The following ANK2 variants were observed in gnomAD, a reference collection of about 807,000 sequenced individuals.
The protein encoded by ANK2 is ankyrin 2.
A neutral mutation model predicts 360.5 loss-of-function variants in ANK2; 83 were observed. That is an observed-to-expected ratio of 0.23 (90% CI 0.19 to 0.28). The LOEUF is 0.28. ANK2 is among the 10% of genes least tolerant of loss of function. The probability of loss-of-function intolerance (pLI) is 1.00; values close to 1 mark genes in which losing one functional copy is unlikely to be tolerated. For missense variants in ANK2, 4,201 were observed against 4,795.7 expected, an observed-to-expected ratio of 0.88 and a Z score of 3.66; for synonymous variants, 1,740 against 1,759.5, an observed-to-expected ratio of 0.99 and a Z score of 0.28.
At chr4:112,803,368 T>A in the ANK2 span, among the ~76,000 whole-genome samples, 1 of 152,250 alleles carries the variant, frequency 6.6e-6, no homozygotes, top group East Asian at 1.9e-4. Context: ...GATAGGCAAG[T>A]GCCTTTATAG....
At chr4:113,237,448 T>C (rs1034805039) in intron 6 of ANK2, 151 bp from the exon 7 acceptor site, 3 of 836,428 alleles carry the variant, frequency 3.6e-6, no homozygotes, top group Admixed American at 3.7e-5. Flanking sequence ...GATAAAATTG[T>C]ATTGTGTGGT....
intron 31 of ANK2, among the ~76,000 whole-genome samples, chr4:113,338,857 A>G (rs2093922182): frequency 6.6e-6 from 1 of 151,988 alleles, no homozygotes; most frequent in African/African-American, 2.4e-5. Context: ...CCGATTGTTC[A>G]CTGTTTTAAC....
chr4:113,112,689 A>G (rs2094422302), intron 1 of ANK2, among the ~76,000 whole-genome samples: 1 of 152,060 alleles, frequency 6.6e-6, no homozygotes. Context: ...GGCCATTGTT[A>G]CTAGCTAGAA....
At chr4:113,122,782 T>C (rs2154372635) in intron 1 of ANK2, among the ~76,000 whole-genome samples, 1 of 152,210 alleles carries the variant, frequency 6.6e-6, no homozygotes, top group East Asian at 1.9e-4. Flanking sequence ...TTTTTCTTTA[T>C]CACTCCTCTG....
At chr4:113,178,069 C>T (rs965039728) in intron 2 of ANK2, among the ~76,000 whole-genome samples, 1 of 152,024 alleles carries the variant, frequency 6.6e-6, no homozygotes, top group African/African-American at 2.4e-5. Flanking sequence ...CTCTTCAATT[C>T]CCTGACTCGC....
chr4:113,089,381 C>A (rs1468593267), intron 1 of ANK2, among the ~76,000 whole-genome samples: 1 of 152,172 alleles, frequency 6.6e-6, no homozygotes, highest in Admixed American at 6.5e-5. Flanking sequence ...TTTTGTTCTG[C>A]TTTACCATTG....
intron 2 of ANK2, among the ~76,000 whole-genome samples, chr4:113,190,388 G>A (rs1177026330): frequency 6.6e-6 from 1 of 152,100 alleles, no homozygotes; most frequent in Non-Finnish European, 1.5e-5. Flanking sequence ...CGGATTATAA[G>A]CGTGAGCCAC....
chr4:112,868,238 G>A (rs780705039), intron 1 of ANK2, among the ~76,000 whole-genome samples: 1 of 152,148 alleles, frequency 6.6e-6, no homozygotes, highest in South Asian at 2.1e-4. Context: ...GTATTGCAAT[G>A]CTATAACAGA....
intron 1 of ANK2, among the ~76,000 whole-genome samples, chr4:112,873,990 A>T (rs1163347902): frequency 6.6e-6 from 1 of 152,116 alleles, no homozygotes; most frequent in Non-Finnish European, 1.5e-5. Context: ...GATTTAATAA[A>T]TAAACATTTG....
At chr4:112,956,589 G>A (rs796992568) in intron 2 of ANK2, among the ~76,000 whole-genome samples, 15 of 152,304 alleles carry the variant, frequency 9.8e-5, no homozygotes, top group African/African-American at 3.6e-4. Context: ...CTGGACAAAA[G>A]GATAATTCAT....
At chr4:112,760,423 G>A in the ANK2 span, among the ~76,000 whole-genome samples, 4 of 151,942 alleles carry the variant, frequency 2.6e-5, no homozygotes, top group African/African-American at 9.7e-5. Context: ...TCCTGACCTT[G>A]TGATCCGCCC....
At chr4:112,705,841 G>A in the ANK2 span, among the ~76,000 whole-genome samples, 1 of 152,128 alleles carries the variant, frequency 6.6e-6, no homozygotes, top group African/African-American at 2.4e-5. Context: ...CACGCGCCGG[G>A]CGCGGCGCTG....
At chr4:112,820,413 G>A (rs1462640800) in intron 1 of ANK2, among the ~76,000 whole-genome samples, 2 of 152,192 alleles carry the variant, frequency 1.3e-5, no homozygotes, top group Non-Finnish European at 1.5e-5. Context: ...AACTCAGATT[G>A]CCTGACTGCC....
chr4:113,184,160 T>A (rs1309331732), intron 2 of ANK2, among the ~76,000 whole-genome samples: 1 of 151,020 alleles, frequency 6.6e-6, no homozygotes, highest in African/African-American at 2.4e-5. Context: ...GAGAACAGAT[T>A]TAGCCCAGAG....
At chr4:112,746,728 T>G in the ANK2 span, among the ~76,000 whole-genome samples, 2 of 152,212 alleles carry the variant, frequency 1.3e-5, no homozygotes, top group Admixed American at 1.3e-4. Context: ...TCTAAAGGAA[T>G]GTCTTCATTT....
In ANK2 at chr4:113,307,412, C is replaced by CTT. The variant is rs56756321; in HGVS notation, c.2549-3823_2549-3822dup. Among the ~76,000 whole-genome samples, 55 of 91,864 alleles carry CTT rather than the reference C, an allele frequency of 6.0e-4. 1 individual carries two copies. Among genetic ancestry groups the CTT allele is most frequent in the African/African-American group, 2.0e-3 (44 of 22,270 alleles). The allele number at this position is 91,864 out of a possible 152,430, so 60.3% of individuals were successfully genotyped here. A position where few individuals can be genotyped will look rare whatever the true frequency, so the allele number is the denominator to read the frequency against. ...TTGTCAGGAAGGGGAGCCATTCCACCTTTTTTTTTTTTTTTTTTTTTGTGA... is the reference window on the plus strand; with the variant it reads ...TTGTCAGGAAGGGGAGCCATTCCACCTTTTTTTTTTTTTTTTTTTTTTTGTGA... On this transcript the variant is annotated intron_variant, in intron 23 of 45. Transcript: ENST00000357077.
chr4:113,340,960 C>CT (rs1189841845), intron 32 of ANK2, among the ~76,000 whole-genome samples: 1 of 152,004 alleles, frequency 6.6e-6, no homozygotes, highest in Non-Finnish European at 1.5e-5. Context: ...GAAGTTAGCT[C>CT]TCTTAGGGCC....
chr4:113,299,372 T>C (rs1302759161), intron 22 of ANK2, among the ~76,000 whole-genome samples: 1 of 152,230 alleles, frequency 6.6e-6, no homozygotes, highest in Non-Finnish European at 1.5e-5. Flanking sequence ...TACAGTCTAA[T>C]ATAGTAGACA....
At chr4:112,920,815 T>G (rs922612529) in intron 2 of ANK2, among the ~76,000 whole-genome samples, 1 of 152,166 alleles carries the variant, frequency 6.6e-6, no homozygotes, top group Non-Finnish European at 1.5e-5. Context: ...TACATGTACT[T>G]GAGGATCAAG....
Sources: gnomAD v4.1 joint callset for allele counts (sites outside exome capture counted in the v4.1 genomes callset) on GRCh38, gnomAD v4.1.1 for gene constraint, MANE v1.5 for transcripts, NCBI Gene and HGNC (gene_info 2026-07-23, HGNC 2026-07-21) for gene names.